IQSEC1: variants seen among roughly 807,000 people sequenced by gnomAD.
The protein encoded by IQSEC1 is IQ motif and SEC7 domain-containing protein 1.
A neutral mutation model predicts 91.0 loss-of-function variants in IQSEC1; 31 were observed. That is an observed-to-expected ratio of 0.34 (90% confidence interval 0.26 to 0.46). The LOEUF (loss-of-function observed/expected upper bound fraction) is 0.46, where lower values mean the gene tolerates loss of function less well. Among genes scored for constraint, IQSEC1 ranks in the 20% least tolerant of loss-of-function variants. The pLI is 1.00. For missense variants in IQSEC1, 1,388 were observed against 1,575.6 expected (o/e 0.88, Z 2.02); for synonymous variants, 699 against 662.6 (o/e 1.05, Z -0.84).
At chr3:12,947,384 C>G (rs1011440139) in intron 1 of IQSEC1, among the ~76,000 whole-genome samples, 5 of 152,110 alleles carry the variant, frequency 3.3e-5, no homozygotes, top group Non-Finnish European at 7.4e-5. Context: ...GGCCATATGA[C>G]CTGTCTGAGT....
intron 2 of IQSEC1, among the ~76,000 whole-genome samples, chr3:13,084,132 C>A (rs1162941497): frequency 6.6e-6 from 1 of 152,188 alleles, no homozygotes; most frequent in East Asian, 1.9e-4. Context: ...AAGAAGAGAA[C>A]TCAGCTGGTC....
At chr3:12,954,963 G>A (rs781623034) in intron 1 of IQSEC1, among the ~76,000 whole-genome samples, 28 of 152,154 alleles carry the variant, frequency 1.8e-4, no homozygotes, top group Non-Finnish European at 2.9e-4. Context: ...ACAGGCCAAC[G>A]GCAGGGCTGC....
At chr3:13,120,050 A>C (rs1386703815) in intron 2 of IQSEC1, among the ~76,000 whole-genome samples, 2 of 152,122 alleles carry the variant, frequency 1.3e-5, no homozygotes, top group African/African-American at 2.4e-5. Flanking sequence ...GGCCTCCAAG[A>C]CATGTTCCTT....
intron 1 of IQSEC1, among the ~76,000 whole-genome samples, chr3:12,993,406 G>T (rs1286189829): frequency 6.6e-6 from 1 of 152,050 alleles, no homozygotes; most frequent in East Asian, 1.9e-4. Context: ...CCGCTCGCAG[G>T]CTCGGGACCC....
chr3:12,958,938 A>T (rs1700081379), intron 1 of IQSEC1, among the ~76,000 whole-genome samples: 1 of 152,234 alleles, frequency 6.6e-6, no homozygotes, highest in Non-Finnish European at 1.5e-5. Context: ...AGGTGACGGG[A>T]GCTGTCTAGG....
In IQSEC1 at chr3:12,915,657, C is replaced by A. The variant is rs1465773678; in HGVS notation, c.2097G>T (p.Lys699Asn). ...IYERIRKREL[K>N]TNEDHVSQVQ... is the part of the protein sequence containing the mutation. The stretch of plus-strand genomic sequence containing the variant: ...CCTGGGACACATGGTCCTCATTGGT[C>A]TTTAGCTCTCGCTTACGGATCCGTT... Residue 699 changes from lysine (K) to asparagine (N), a missense_variant, in exon 7 of 14, where the codon AAG becomes AAT. Lys to Asn is a moderately conservative substitution (Grantham distance 94). Around this residue, in one of 2 missense-constraint regions of IQSEC1, gnomAD observed 1,059 missense variants for 1,317.8 expected, o/e 0.80. Transcript: ENST00000613206. 1 of 1,614,166 alleles carries A rather than the reference C, an allele frequency of 6.2e-7. No homozygotes were observed. Among genetic ancestry groups the A allele is most frequent in the South Asian group, 1.1e-5 (1 of 91,082 alleles).
chr3:13,131,255 T>C lies in IQSEC1; in HGVS notation c.302+32849A>G, dbSNP rs946872099. Among the ~76,000 whole-genome samples the C allele has an allele frequency of 2.6e-5, 4 of 152,154 alleles. No homozygotes were observed. In the East Asian group the frequency reaches 5.8e-4, roughly 22 times the overall value. Reference sequence around the variant, plus strand: ...CTAGTAACATTCTAAATATTCCAAATATTTCTGAAACCTACTTTGATATTA... The same window carrying C: ...CTAGTAACATTCTAAATATTCCAAACATTTCTGAAACCTACTTTGATATTA... On this transcript the variant is annotated intron_variant, in intron 2 of 15. Transcript: ENST00000648114.
intron 1 of IQSEC1, among the ~76,000 whole-genome samples, chr3:13,205,587 C>A (rs552490705): frequency 1.3e-4 from 20 of 150,400 alleles, no homozygotes; most frequent in Non-Finnish European, 2.2e-4. Context: ...ATGCTTCATC[C>A]TTCTATCCCT....
At chr3:13,097,840 G>C (rs1705990835) in intron 2 of IQSEC1, among the ~76,000 whole-genome samples, 3 of 152,180 alleles carry the variant, frequency 2.0e-5, no homozygotes, top group Non-Finnish European at 4.4e-5. Context: ...TTTGTCACTG[G>C]GGAAGGCTGG....
chr3:13,231,036 G>A (rs1054662555), intron 1 of IQSEC1, among the ~76,000 whole-genome samples: 1 of 152,156 alleles, frequency 6.6e-6, no homozygotes, highest in Non-Finnish European at 1.5e-5. Flanking sequence ...AAGTATTGAT[G>A]ATTTTACCAT....
intron 12 of IQSEC1, among the ~76,000 whole-genome samples, chr3:12,903,661 G>A (rs1242345931): frequency 2.6e-5 from 4 of 152,264 alleles, no homozygotes; most frequent in East Asian, 1.9e-4. Flanking sequence ...GCCTGGCCCC[G>A]CCCAGCCTCC....
chr3:13,214,691 G>C lies in IQSEC1; in HGVS notation c.273-50558C>G, dbSNP rs575826863. On this transcript the variant is annotated intron_variant, in intron 1 of 15. Coordinates refer to the IQSEC1 transcript ENST00000648114. The surrounding 1 kb of genome is among the most constrained non-coding windows in gnomAD (Gnocchi z 4.5). ...AGGGGCCACTGTGGCACACGAGCTG[G>C]TGTCCGGTGGAGCACGGTCTCCAGG... Among the ~76,000 whole-genome samples the C allele has an allele frequency of 6.6e-6, 1 of 152,370 alleles. No homozygotes were observed. Among genetic ancestry groups the C allele is most frequent in the Non-Finnish European group, 1.5e-5 (1 of 68,024 alleles).
chr3:13,279,068 G>A (rs1297461898), intron 1 of IQSEC1, among the ~76,000 whole-genome samples: 1 of 152,174 alleles, frequency 6.6e-6, no homozygotes, highest in Non-Finnish European at 1.5e-5. Context: ...GAAGCCCCCG[G>A]TGGATGCAGC....
At position 12,967,666 on chromosome 3, in the gene IQSEC1, C is replaced by G. The variant is rs1700675281; in HGVS notation, c.24-25801G>C. 4.2e-6 allele frequency: 5 copies of G among 1,177,868 alleles called. No individual in the cohort carries two copies. The highest frequency in any genetic ancestry group is 5.2e-6 in the Non-Finnish European group (5 of 954,590). 73.0% of individuals were successfully genotyped at this position (1,177,868 alleles called of 1,614,324 possible). On this transcript the variant is annotated intron_variant, in intron 1 of 13. Coordinates refer to ENST00000613206, the MANE Select transcript of IQSEC1 (RefSeq NM_001134382.3). The surrounding 1 kb of genome is among the most constrained non-coding windows in gnomAD (Gnocchi z 5.9). ...GTCCGAGCCCCAGGCCAGCCAAGCC[C>G]GCCCCTCCGCCGCCGCCCGCTTGGC...
chr3:13,277,289 C>T (rs1290587137), intron 1 of IQSEC1, among the ~76,000 whole-genome samples: 1 of 152,088 alleles, frequency 6.6e-6, no homozygotes, highest in Non-Finnish European at 1.5e-5. Flanking sequence ...TCTCACTCCC[C>T]CCGGCACAGC....
intron 2 of IQSEC1, among the ~76,000 whole-genome samples, chr3:13,098,613 A>G (rs1396451802): frequency 1.3e-5 from 2 of 152,184 alleles, no homozygotes; most frequent in Non-Finnish European, 2.9e-5. Flanking sequence ...TCTGAGGCAG[A>G]GGAAACAGCA....
intron 1 of IQSEC1, 84 bp downstream of exon 1, chr3:13,072,907 CA>C: frequency 8.0e-7 from 1 of 1,255,272 alleles, no homozygotes. Flanking sequence ...GCCCCTCCCC[CA>C]ACGATGCCCC....
intron 1 of IQSEC1, among the ~76,000 whole-genome samples, chr3:13,069,405 G>A (rs1705341722): frequency 6.6e-6 from 1 of 150,514 alleles, no homozygotes; most frequent in Non-Finnish European, 1.5e-5. Context: ...GTGTGTGTGT[G>A]GAATGTTCCA....
chr3:12,986,838 T>C, intron 1 of IQSEC1: 1 of 255,654 alleles, frequency 3.9e-6, no homozygotes, highest in Non-Finnish European at 8.2e-6. Flanking sequence ...GGCAGGGGCT[T>C]GCTGTGGGCT....
Sources: gnomAD v4.1 joint callset for allele counts (sites outside exome capture counted in the v4.1 genomes callset) on GRCh38, gnomAD v4.1.1 for gene constraint, gnomAD v4.1.1 regional missense constraint, Gnocchi (gnomAD v3.1) non-coding constraint, MANE v1.5 for transcripts, NCBI Gene and HGNC (gene_info 2026-07-23, HGNC 2026-07-21) for gene names.